Variants in SLC25A24 observed in about 807,000 individuals in gnomAD.
The protein encoded by SLC25A24 is mitochondrial adenyl nucleotide antiporter SLC25A24.
A neutral mutation model predicts 60.7 loss-of-function variants in SLC25A24; 49 were observed. That is an observed-to-expected ratio of 0.81 (90% CI 0.64 to 1.02). SLC25A24 has a LOEUF of 1.02. Among genes scored for constraint, SLC25A24 ranks in the 50% least tolerant of loss-of-function variants. The pLI is 0.00. For synonymous variants in SLC25A24, 202 were observed against 200.6 expected, an observed-to-expected ratio of 1.01 and a Z score of -0.06; for missense variants, 564 against 586.3, an observed-to-expected ratio of 0.96 and a Z score of 0.39.
chr1:108,155,426 AT>A, intron 5 of SLC25A24, among the ~76,000 whole-genome samples: 1 of 152,200 alleles, frequency 6.6e-6, no homozygotes, highest in South Asian at 2.1e-4. Context: ...ATAAGATAAT[AT>A]TAACTAAATT....
chr1:108,200,082 C>A lies in SLC25A24; in HGVS notation c.57G>T (p.Glu19Asp). The A allele has an allele frequency of 6.3e-7, 1 of 1,584,442 alleles. No homozygotes were observed. The highest frequency in any genetic ancestry group is 8.6e-7 in the Non-Finnish European group (1 of 1,166,054). Residue 19 changes from glutamate to aspartate, a missense_variant, in exon 1 of 10, where the codon GAG becomes GAT. Physicochemically the swap from Glu to Asp is conservative, Grantham distance 45 (BLOSUM62 2). Coordinates refer to ENST00000565488, the MANE Select transcript of SLC25A24 (RefSeq NM_013386.5). ...VLPTAACQDA[E>D]QPTRYETLFQ... The stretch of plus-strand genomic sequence containing the variant: ...AGAGGGTCTCGTAGCGCGTCGGCTG[C>A]TCCGCGTCCTGGCAGGCCGCGGTGG...
chr1:108,182,105 T>G, intron 2 of SLC25A24, 77 bp from the exon 3 acceptor site: 2 of 1,009,736 alleles, frequency 2.0e-6, no homozygotes, highest in African/African-American at 1.6e-5. Context: ...TTCAAATCTC[T>G]CATTTAAGAG....
At chr1:108,188,165 G>A (rs1248933052) in intron 1 of SLC25A24, among the ~76,000 whole-genome samples, 1 of 151,758 alleles carries the variant, frequency 6.6e-6, no homozygotes, top group African/African-American at 2.4e-5. Flanking sequence ...ATACACATGG[G>A]AGCAAAACAT....
intron 4 of SLC25A24, among the ~76,000 whole-genome samples, chr1:108,158,773 G>A (rs980868778): frequency 6.6e-6 from 1 of 151,160 alleles, no homozygotes; most frequent in Non-Finnish European, 1.5e-5. Flanking sequence ...GAGGCGAGGC[G>A]GGCGGATTAC....
chr1:108,160,598 C>T (rs562152130), intron 4 of SLC25A24, among the ~76,000 whole-genome samples: 19 of 152,256 alleles, frequency 1.2e-4, no homozygotes, highest in African/African-American at 1.7e-4. Context: ...CCAAGGCAGG[C>T]GGCTGGGAGG....
At chr1:108,167,075 TG>T (rs200080288) in intron 3 of SLC25A24, among the ~76,000 whole-genome samples, 75,861 of 150,678 alleles carry the variant, frequency 0.5, 19,635 homozygotes, top group African/African-American at 0.62. Flanking sequence ...GTGCCCCTGC[TG>T]GGGGGTGCCT....
chr1:108,139,257 A>T (rs1187963036), intron 8 of SLC25A24, 49 bp from the exon 9 acceptor site: 1 of 1,530,566 alleles, frequency 6.5e-7, no homozygotes, highest in Admixed American at 2.0e-5. Context: ...TACAACTTCA[A>T]CGTAAACATT....
intron 3 of SLC25A24, among the ~76,000 whole-genome samples, chr1:108,168,072 C>T (rs1299615682): frequency 6.6e-6 from 1 of 152,094 alleles, no homozygotes; most frequent in African/African-American, 2.4e-5. Context: ...CTAAAAAAAG[C>T]TTTGGTGCAT....
At chr1:108,156,495 T>C (rs1679902968) in intron 5 of SLC25A24, among the ~76,000 whole-genome samples, 1 of 152,236 alleles carries the variant, frequency 6.6e-6, no homozygotes, top group Admixed American at 6.5e-5. Context: ...CTTTAAAGCA[T>C]TAGCTTTGCC....
intron 6 of SLC25A24, among the ~76,000 whole-genome samples, chr1:108,153,736 T>C (rs944018140): frequency 6.6e-6 from 1 of 152,144 alleles, no homozygotes; most frequent in Non-Finnish European, 1.5e-5. Flanking sequence ...AGGAAGGAGC[T>C]TGGGTGGACA....
Position 108,200,088 on chromosome 1 carries a change from G to C in SLC25A24, c.51C>G (p.Asp17Glu), listed in dbSNP as rs760902902. ...DFVLPTAACQDAEQPTRYETL... is the reference protein window; with the variant it reads ...DFVLPTAACQEAEQPTRYETL... ...TCTCGTAGCGCGTCGGCTGCTCCGCGTCCTGGCAGGCCGCGGTGGGCAGCA... is the reference window on the plus strand; with the variant it reads ...TCTCGTAGCGCGTCGGCTGCTCCGCCTCCTGGCAGGCCGCGGTGGGCAGCA... Residue 17 changes from aspartate (D) to glutamate (E), a missense_variant, in exon 1 of 10, where the codon GAC (aspartate) becomes GAG (glutamate). Transcript: ENST00000565488. 1.3e-6 allele frequency: 2 copies of C among 1,579,880 alleles called. No homozygotes were observed. The highest frequency in any genetic ancestry group is 4.6e-5 in the East Asian group (2 of 43,458).
chr1:108,138,743 A>G (rs1339578030), intron 9 of SLC25A24, among the ~76,000 whole-genome samples: 4 of 152,184 alleles, frequency 2.6e-5, no homozygotes, highest in African/African-American at 9.7e-5. Context: ...CTGAACCCAA[A>G]TCCATCAGAT....
At chr1:108,199,851 T>A (rs994170151) in intron 1 of SLC25A24, 105 bp downstream of exon 1, 10 of 877,668 alleles carry the variant, frequency 1.1e-5, no homozygotes, top group Non-Finnish European at 1.7e-5. Context: ...AGTTCCTCCT[T>A]CCTCTCCTGG....
At chr1:108,178,928 A>G (rs1434298490) in intron 3 of SLC25A24, among the ~76,000 whole-genome samples, 1 of 152,194 alleles carries the variant, frequency 6.6e-6, no homozygotes, top group African/African-American at 2.4e-5. Flanking sequence ...AGAAACTGAA[A>G]GCAAAATTCA....
At chr1:108,160,765 T>C (rs988525956) in intron 4 of SLC25A24, among the ~76,000 whole-genome samples, 4 of 152,272 alleles carry the variant, frequency 2.6e-5, no homozygotes, top group Admixed American at 6.5e-5. Context: ...CCGGCCAACA[T>C]AGCGAAACCC....
chr1:108,157,415 TTTTAGAATATTTAGG>T (rs1366442770), intron 5 of SLC25A24, 32 bp downstream of exon 5: 1 of 1,547,696 alleles, frequency 6.5e-7, no homozygotes, highest in East Asian at 2.3e-5. Flanking sequence ...TTTCTCATTG[TTTTAGAATATTTAGG>T]GCAAACCTGG....
chr1:108,178,890 T>C (rs1239526514), intron 3 of SLC25A24, among the ~76,000 whole-genome samples: 1 of 151,446 alleles, frequency 6.6e-6, no homozygotes, highest in Non-Finnish European at 1.5e-5. Context: ...TTAAACAACA[T>C]GCTCCTGAAT....
At chr1:108,186,217 C>T (rs1010817947) in intron 1 of SLC25A24, among the ~76,000 whole-genome samples, 3 of 152,150 alleles carry the variant, frequency 2.0e-5, no homozygotes, top group African/African-American at 7.2e-5. Context: ...TAAAGCTAAT[C>T]TAACCATACC....
chr1:108,149,917 C>T (rs1179666120), intron 6 of SLC25A24, among the ~76,000 whole-genome samples: 1 of 152,162 alleles, frequency 6.6e-6, no homozygotes, highest in Non-Finnish European at 1.5e-5. Context: ...TTTTGCTGCT[C>T]ATGATAAAAA....
Sources: gnomAD v4.1 joint callset for allele counts (sites outside exome capture counted in the v4.1 genomes callset) on GRCh38, gnomAD v4.1.1 for gene constraint, MANE v1.5 for transcripts, NCBI Gene and HGNC (gene_info 2026-07-23, HGNC 2026-07-21) for gene names.